Variants in CENPP observed in about 807,000 individuals in gnomAD.
CENPP encodes the protein centromere protein P.
CENPP carries 24 observed loss-of-function variants against 35.6 expected under a neutral mutation model. The ratio of observed to expected loss-of-function variants is 0.67; its 90% CI spans 0.49 to 0.95. CENPP has a LOEUF of 0.95. Among genes scored for constraint, CENPP ranks in the 40% least tolerant of loss-of-function variants. The probability of loss-of-function intolerance (pLI) is 0.00; values close to 1 mark genes in which losing one functional copy is unlikely to be tolerated. For synonymous variants in CENPP, 120 were observed against 125.5 expected (o/e 0.96, Z 0.29); for missense variants, 332 against 345.3 (o/e 0.96, Z 0.31).
intron 6 of CENPP, 43 bp from the exon 7 acceptor site, chr9:92,612,480 G>C (rs377482298): frequency 2.9e-4 from 433 of 1,502,280 alleles, no homozygotes; most frequent in Non-Finnish European, 3.8e-4. Context: ...CTTTTCGCCA[G>C]ATTTCAAAAA....
At chr9:92,552,179 GATCT>G (rs903588602) in intron 5 of CENPP, among the ~76,000 whole-genome samples, 1 of 115,404 alleles carries the variant, frequency 8.7e-6, no homozygotes, top group African/African-American at 4.4e-5. Context: ...TGATATGATA[GATCT>G]ATCATATACA....
intron 5 of CENPP, among the ~76,000 whole-genome samples, chr9:92,597,397 T>C (rs1177517043): frequency 6.6e-6 from 1 of 152,220 alleles, no homozygotes; most frequent in Non-Finnish European, 1.5e-5. Flanking sequence ...GAATCTCCCT[T>C]ATTCTGTGAA....
chr9:92,436,973 G>A (rs182734977), intron 5 of CENPP, among the ~76,000 whole-genome samples: 79 of 152,296 alleles, frequency 5.2e-4, no homozygotes, highest in Admixed American at 4.1e-3. Context: ...GCCAAGGCGG[G>A]CAGATCACTT....
At chr9:92,609,773 G>A (rs1450262065) in intron 5 of CENPP, among the ~76,000 whole-genome samples, 1 of 152,188 alleles carries the variant, frequency 6.6e-6, no homozygotes, top group African/African-American at 2.4e-5. Flanking sequence ...TTTCACTCTT[G>A]TCGCCCAGGC....
chr9:92,550,164 G>A (rs1052058829), intron 5 of CENPP, among the ~76,000 whole-genome samples: 2 of 152,186 alleles, frequency 1.3e-5, no homozygotes, highest in Non-Finnish European at 2.9e-5. Context: ...TTGGGAGGCT[G>A]AGGCAGGAGG....
chr9:92,357,000 A>G (rs1341028030), intron 4 of CENPP, among the ~76,000 whole-genome samples: 1 of 152,202 alleles, frequency 6.6e-6, no homozygotes, highest in Non-Finnish European at 1.5e-5. Context: ...TTTAAAATGC[A>G]TTAGTTTTTT....
intron 5 of CENPP, among the ~76,000 whole-genome samples, chr9:92,413,339 A>G (rs1588112115): frequency 1.3e-5 from 2 of 152,224 alleles, no homozygotes; most frequent in Middle Eastern, 6.8e-3. Context: ...AAGCAGCTGC[A>G]GTATTTACAC....
At chr9:92,458,163 C>G (rs1260496504) in intron 5 of CENPP, among the ~76,000 whole-genome samples, 1 of 152,182 alleles carries the variant, frequency 6.6e-6, no homozygotes, top group Non-Finnish European at 1.5e-5. Flanking sequence ...GTGTACATGT[C>G]TTTTTAAATT....
intron 5 of CENPP, chr9:92,460,328 C>T (rs1323005733): frequency 3.7e-6 from 2 of 545,412 alleles, no homozygotes; most frequent in Non-Finnish European, 6.5e-6. Flanking sequence ...GCCACCACAC[C>T]CGGCCAATTG....
intron 5 of CENPP, among the ~76,000 whole-genome samples, chr9:92,461,265 G>A (rs1223640066): frequency 6.6e-6 from 1 of 151,326 alleles, no homozygotes; most frequent in African/African-American, 2.4e-5. Context: ...TTTGTTTTTT[G>A]TTTTTTAACA....
chr9:92,396,130 C>G (rs1382895642), intron 5 of CENPP, among the ~76,000 whole-genome samples: 1 of 152,026 alleles, frequency 6.6e-6, no homozygotes, highest in East Asian at 1.9e-4. Flanking sequence ...TATTCTTTCC[C>G]CATTGAATTG....
chr9:92,468,265 A>G (rs1234232484), intron 5 of CENPP, among the ~76,000 whole-genome samples: 3 of 152,250 alleles, frequency 2.0e-5, no homozygotes, highest in Non-Finnish European at 4.4e-5. Flanking sequence ...GGTTTTGTGC[A>G]GCACTGGTAA....
intron 5 of CENPP, among the ~76,000 whole-genome samples, chr9:92,444,208 TAC>T (rs1491310624): frequency 6.6e-6 from 1 of 152,206 alleles, no homozygotes; most frequent in African/African-American, 2.4e-5. Flanking sequence ...TTACATTTCA[TAC>T]AGTGAGTATG....
chr9:92,567,369 G>GATAGATATATATATATATATATATAT (rs1849994936), intron 5 of CENPP, among the ~76,000 whole-genome samples: 3 of 104,084 alleles, frequency 2.9e-5, no homozygotes, highest in East Asian at 3.0e-4. Context: ...AGTTACATAA[G>GATAGATATATATATATATATATATAT]ATAGATATAT....
intron 5 of CENPP, among the ~76,000 whole-genome samples, chr9:92,570,082 G>A (rs966327236): frequency 4.6e-5 from 7 of 151,924 alleles, no homozygotes; most frequent in African/African-American, 9.7e-5. Context: ...TCTTTCTCCC[G>A]CCTGATTGCT....
intron 5 of CENPP, among the ~76,000 whole-genome samples, chr9:92,573,146 G>C (rs1005479308): frequency 2.0e-5 from 3 of 152,332 alleles, no homozygotes; most frequent in African/African-American, 7.2e-5. Flanking sequence ...CTGGCGAGGA[G>C]CTGCGTTCCT....
At chr9:92,526,290 A>G (rs1848405197) in intron 5 of CENPP, among the ~76,000 whole-genome samples, 1 of 152,226 alleles carries the variant, frequency 6.6e-6, no homozygotes, top group South Asian at 2.1e-4. Flanking sequence ...ATTACGCTAT[A>G]AAGAAAGAAA....
intron 5 of CENPP, among the ~76,000 whole-genome samples, chr9:92,524,632 C>A (rs1361248963): frequency 6.6e-6 from 1 of 152,196 alleles, no homozygotes; most frequent in Non-Finnish European, 1.5e-5. Flanking sequence ...TGCCTCAGGT[C>A]CACTCACTGT....
At chr9:92,528,927 C>T (rs1327991964) in intron 5 of CENPP, among the ~76,000 whole-genome samples, 1 of 152,146 alleles carries the variant, frequency 6.6e-6, no homozygotes, top group African/African-American at 2.4e-5. Context: ...TGCTGATATA[C>T]TAATAAAGTA....
Sources: allele counts gnomAD v4.1 joint callset (sites outside exome capture counted in the v4.1 genomes callset), GRCh38; gene constraint gnomAD v4.1.1; transcripts MANE v1.5; gene names NCBI Gene and HGNC (gene_info 2026-07-23, HGNC 2026-07-21).